The following RP1 variants were observed in gnomAD, a reference collection of about 807,000 sequenced individuals.
The protein encoded by RP1 is oxygen-regulated protein 1.
Under a neutral mutation model 14.8 loss-of-function variants are expected in RP1, and 16 were observed. That is an observed-to-expected ratio of 1.08 (90% CI 0.73 to 1.65). The LOEUF (loss-of-function observed/expected upper bound fraction) is 1.65. RP1 is among the 40% of genes most tolerant of loss of function. The pLI is 0.00. For synonymous variants in RP1, 876 were observed against 883.6 expected (o/e 0.99, Z 0.15); for missense variants, 2,631 against 2,535.0 (o/e 1.04, Z -0.81).
intron 24 of RP1, among the ~76,000 whole-genome samples, chr8:54,818,332 A>G (rs1463016196): frequency 6.6e-6 from 1 of 152,254 alleles, no homozygotes; most frequent in Non-Finnish European, 1.5e-5. Flanking sequence ...TGTAGCTGAA[A>G]TAAGCCTTAT....
chr8:54,724,062 GA>G, intron 16 of RP1, among the ~76,000 whole-genome samples: 1 of 152,110 alleles, frequency 6.6e-6, no homozygotes, highest in Non-Finnish European at 1.5e-5. Context: ...AAGTCTTATG[GA>G]AGTTTGCATT....
intron 8 of RP1, among the ~76,000 whole-genome samples, chr8:54,676,359 C>T (rs548218860): frequency 1.3e-5 from 2 of 152,226 alleles, no homozygotes; most frequent in South Asian, 2.1e-4. Flanking sequence ...GGGGTTTTTC[C>T]GTTGTGAAGA....
At chr8:54,789,137 G>T (rs564980273) in intron 24 of RP1, among the ~76,000 whole-genome samples, 2 of 152,276 alleles carry the variant, frequency 1.3e-5, no homozygotes, top group East Asian at 3.9e-4. Flanking sequence ...AAGAAGCATG[G>T]CAGGGGTTCA....
intron 26 of RP1, among the ~76,000 whole-genome samples, chr8:54,855,327 T>C (rs977681491): frequency 8.5e-5 from 13 of 152,322 alleles, no homozygotes; most frequent in African/African-American, 3.1e-4. Flanking sequence ...AAAGGCTGAA[T>C]AATATTTCAA....
At chr8:54,606,393 G>C (rs9692916) in intron 1 of RP1, among the ~76,000 whole-genome samples, 48 of 150,928 alleles carry the variant, frequency 3.2e-4, no homozygotes, top group Non-Finnish European at 1.2e-4. Flanking sequence ...TGGCTTGTAG[G>C]GTTTCTGCCG....
chr8:54,854,097 C>A (rs1585749328), intron 26 of RP1, among the ~76,000 whole-genome samples: 1 of 152,102 alleles, frequency 6.6e-6, no homozygotes, highest in East Asian at 1.9e-4. Flanking sequence ...AATGGATCTG[C>A]AGTTTTAATG....
chr8:54,693,493 T>A (rs1476658058), intron 12 of RP1, among the ~76,000 whole-genome samples: 1 of 152,172 alleles, frequency 6.6e-6, no homozygotes, highest in East Asian at 1.9e-4. Flanking sequence ...TTTTATTTCG[T>A]TGAGCAGTGG....
At chr8:54,742,138 G>A (rs1477908616) in intron 19 of RP1, among the ~76,000 whole-genome samples, 2 of 152,044 alleles carry the variant, frequency 1.3e-5, no homozygotes, top group Non-Finnish European at 2.9e-5. Context: ...ACACTTAAAA[G>A]CCTTGAGATT....
At chr8:54,690,116 TA>T (rs951835803) in intron 12 of RP1, among the ~76,000 whole-genome samples, 20 of 152,040 alleles carry the variant, frequency 1.3e-4, no homozygotes, top group Non-Finnish European at 2.6e-4. Flanking sequence ...TTTGAATAGA[TA>T]AAAATATAGC....
intron 1 of RP1, among the ~76,000 whole-genome samples, chr8:54,618,763 C>T (rs1479024978): frequency 6.6e-6 from 1 of 152,154 alleles, no homozygotes; most frequent in Non-Finnish European, 1.5e-5. Context: ...TCAAGCAATT[C>T]TCCTGCCTCA....
At position 54,856,974 on chromosome 8, in the gene RP1, T is replaced by C. The variant is rs985880151; in HGVS notation, c.3991-54T>C. On this transcript the variant is annotated intron_variant, in intron 26 of 28. Transcript: ENST00000637698. ...GTATCAATAGTAATACTATTTTTTT[T>C]CTAGAGAAAGGAAATATCCTAATGG... 5.0e-5 allele frequency: 27 copies of C among 536,368 alleles called. No individual in the cohort carries two copies. In the African/African-American group the frequency reaches 5.1e-4, roughly 10 times the overall value. 33.2% of individuals were successfully genotyped at this position (536,368 alleles called of 1,614,324 possible).
intron 23 of RP1, among the ~76,000 whole-genome samples, chr8:54,775,535 C>T (rs1042491218): frequency 3.3e-5 from 5 of 152,236 alleles, no homozygotes; most frequent in South Asian, 4.1e-4. Flanking sequence ...GCTGTGCTTG[C>T]AGCCAGCACC....
At chr8:54,590,321 C>T (rs180754848) in intron 1 of RP1, among the ~76,000 whole-genome samples, 39 of 152,240 alleles carry the variant, frequency 2.6e-4, no homozygotes, top group African/African-American at 8.9e-4. Context: ...AGCCGCCCAC[C>T]TCTCTCATCC....
chr8:54,689,503 T>G (rs1299483911), intron 12 of RP1, among the ~76,000 whole-genome samples: 1 of 152,098 alleles, frequency 6.6e-6, no homozygotes, highest in Non-Finnish European at 1.5e-5. Flanking sequence ...TCTTTCAAAG[T>G]CAATTACTAG....
In RP1 at chr8:54,781,428, G is replaced by A. The variant is rs528315152; in HGVS notation, c.3452-2119G>A. On this transcript the variant is annotated intron_variant, in intron 23 of 28. Coordinates refer to the RP1 transcript ENST00000637698. The stretch of plus-strand genomic sequence containing the variant: ...AAGGCAAAGGAAAAAATAAGGAAAC[G>A]TATAGATAAAATATCTGAAGTCATA... 2.9e-3 allele frequency among the ~76,000 whole-genome samples: 443 copies of A among 152,246 alleles called. 1 individual carries two copies. The highest frequency in any genetic ancestry group is 5.1e-3 in the Non-Finnish European group (348 of 67,994).
chr8:54,783,718 T>C (rs1019629027), intron 24 of RP1: 1 of 1,227,990 alleles, frequency 8.1e-7, no homozygotes, highest in Non-Finnish European at 1.0e-6. Flanking sequence ...AAGGTAAAAA[T>C]GATACAGCTA....
rs555528617 is a variant in RP1, at chr8:54,655,633, A to G, written c.1039-450A>G. ...ATAATATATTTCTAAAAATGTAAAC[A>G]TCTCTTTCTAAACAGGAAAATATTA... On this transcript the variant is annotated intron_variant, in intron 5 of 22. Transcript: ENST00000636932. Among the ~76,000 whole-genome samples, 17 of 152,352 alleles carry G rather than the reference A, an allele frequency of 1.1e-4. No homozygotes were observed. The South Asian group carries it at 3.5e-3, about 32-fold the overall frequency.
intron 12 of RP1, among the ~76,000 whole-genome samples, chr8:54,697,309 C>A (rs1807892022): frequency 6.6e-6 from 1 of 152,134 alleles, no homozygotes; most frequent in African/African-American, 2.4e-5. Context: ...AATCCCAGAA[C>A]TTTGGTAGTC....
intron 19 of RP1, among the ~76,000 whole-genome samples, chr8:54,743,517 T>C (rs554960709): frequency 6.6e-6 from 1 of 152,332 alleles, no homozygotes; most frequent in South Asian, 2.1e-4. Context: ...ATTTATTTAT[T>C]CATACCAGCG....
Sources: allele counts gnomAD v4.1 joint callset (sites outside exome capture counted in the v4.1 genomes callset), GRCh38; gene constraint gnomAD v4.1.1; transcripts MANE v1.5; gene names NCBI Gene and HGNC (gene_info 2026-07-23, HGNC 2026-07-21).